COL25A1: variants seen among roughly 807,000 people sequenced by gnomAD.
COL25A1 encodes the protein collagen type XXV alpha 1 chain.
In COL25A1, 103 loss-of-function variants were observed where a neutral mutation model predicts 128.4. That is an observed-to-expected ratio of 0.80 (90% CI 0.68 to 0.94). The LOEUF (loss-of-function observed/expected upper bound fraction) is 0.94, where lower values mean the gene tolerates loss of function less well. Among genes scored for constraint, COL25A1 ranks in the 40% least tolerant of loss-of-function variants. The pLI, the probability that COL25A1 is intolerant of heterozygous loss-of-function variation, is 0.00. For synonymous variants in COL25A1, 279 were observed against 277.2 expected (o/e 1.01, Z -0.06); for missense variants, 745 against 840.0 (o/e 0.89, Z 1.40).
At chr4:109,022,823 G>A (rs1336641474) in intron 5 of COL25A1, among the ~76,000 whole-genome samples, 1 of 152,162 alleles carries the variant, frequency 6.6e-6, no homozygotes, top group Admixed American at 6.5e-5. Flanking sequence ...AGGGTCTACG[G>A]CATTCAAAGG....
intron 8 of COL25A1, among the ~76,000 whole-genome samples, chr4:108,949,764 T>G (rs1377356003): frequency 1.3e-5 from 2 of 152,154 alleles, no homozygotes; most frequent in Non-Finnish European, 2.9e-5. Context: ...CTCGTTCTCT[T>G]GACCTCATCA....
rs1400821345 is a variant in COL25A1 at position 108,827,448 on chromosome 4, A to T, written c.1711-260T>A. On this transcript the variant is annotated intron_variant, in intron 32 of 37. Transcript: ENST00000399132. ...AAAGCATTTGCATATCTCAGATGTC[A>T]TACTTAGGTTTCTTTGGCATTAGTG... 3.9e-5 allele frequency among the ~76,000 whole-genome samples: 6 copies of T among 152,250 alleles called. No homozygotes were observed. The East Asian group carries it at 1.2e-3, about 29-fold the overall frequency.
At chr4:109,284,364 G>A (rs1723663746) in intron 3 of COL25A1, among the ~76,000 whole-genome samples, 1 of 152,210 alleles carries the variant, frequency 6.6e-6, no homozygotes. Context: ...GGTAGAGGTT[G>A]CAGTGAGCCA....
At chr4:109,037,866 G>A (rs932522762) in intron 5 of COL25A1, among the ~76,000 whole-genome samples, 1 of 152,110 alleles carries the variant, frequency 6.6e-6, no homozygotes, top group African/African-American at 2.4e-5. Flanking sequence ...TCAATTAAAT[G>A]TATTATATTA....
intron 3 of COL25A1, among the ~76,000 whole-genome samples, chr4:109,142,025 T>A (rs1770452880): frequency 6.6e-6 from 1 of 152,210 alleles, no homozygotes; most frequent in South Asian, 2.1e-4. Context: ...TGTCAGGGTG[T>A]CGATTTTAGA....
chr4:109,218,356 G>GT (rs796441649), intron 3 of COL25A1, among the ~76,000 whole-genome samples: 12 of 100,466 alleles, frequency 1.2e-4, no homozygotes, highest in African/African-American at 4.1e-4. Context: ...GGTTTTTTGG[G>GT]GTTTTTTTTT....
chr4:109,152,104 A>T (rs990119909), intron 3 of COL25A1, among the ~76,000 whole-genome samples: 3 of 152,132 alleles, frequency 2.0e-5, no homozygotes, highest in African/African-American at 7.2e-5. Context: ...ATAAAAAAAA[A>T]AAAAGTGGCA....
At chr4:108,834,848 T>C (rs898601898) in intron 31 of COL25A1, among the ~76,000 whole-genome samples, 6 of 152,236 alleles carry the variant, frequency 3.9e-5, no homozygotes, top group Non-Finnish European at 7.3e-5. Context: ...GAAAGAGCTC[T>C]GGTTATACTT....
At chr4:109,029,037 T>C (rs1228219549) in intron 5 of COL25A1, among the ~76,000 whole-genome samples, 3 of 152,024 alleles carry the variant, frequency 2.0e-5, no homozygotes, top group Non-Finnish European at 4.4e-5. Context: ...ATTTGATGAG[T>C]GTGGGCAACT....
intron 12 of COL25A1, 126 bp downstream of exon 12, chr4:108,920,452 C>G: frequency 1.8e-6 from 1 of 561,800 alleles, no homozygotes; most frequent in Non-Finnish European, 3.0e-6. Flanking sequence ...TTTTAGAAAG[C>G]AGAATACACA....
intron 3 of COL25A1, among the ~76,000 whole-genome samples, chr4:109,265,163 G>T (rs1159865431): frequency 6.6e-6 from 1 of 152,154 alleles, no homozygotes; most frequent in Non-Finnish European, 1.5e-5. Flanking sequence ...TGATCATCCA[G>T]TATTTAATTA....
At chr4:109,253,693 C>CTAGGTGTTT (rs1242610571) in intron 3 of COL25A1, among the ~76,000 whole-genome samples, 1 of 152,120 alleles carries the variant, frequency 6.6e-6, no homozygotes, top group Non-Finnish European at 1.5e-5. Context: ...CTCAAAAAAT[C>CTAGGTGTTT]TAGGTGTTTT....
chr4:108,960,666 T>G (rs995938593), intron 8 of COL25A1, among the ~76,000 whole-genome samples: 2 of 152,202 alleles, frequency 1.3e-5, no homozygotes, highest in African/African-American at 4.8e-5. Context: ...GCTGGCATTC[T>G]AGAACCATCT....
At position 109,289,299 on chromosome 4, in the gene COL25A1, A is replaced by C. The variant is rs111425730; in HGVS notation, c.367+11284T>G. Among the ~76,000 whole-genome samples the C allele has an allele frequency of 4.6e-3, 706 of 152,202 alleles. 3 individuals are homozygous for C. The highest frequency in any genetic ancestry group is 0.034 in the Middle Eastern group (10 of 294). The stretch of plus-strand genomic sequence containing the variant: ...TGTACATCTATTTCAATATTCCTGA[A>C]CTAAAAATATGTATGTTTTTAAACT... On this transcript the variant is annotated intron_variant, in intron 3 of 37. Transcript: ENST00000399132.
At chr4:109,088,443 T>C (rs1015456940) in intron 3 of COL25A1, among the ~76,000 whole-genome samples, 2 of 152,222 alleles carry the variant, frequency 1.3e-5, no homozygotes, top group Non-Finnish European at 2.9e-5. Flanking sequence ...TAGAATTGTA[T>C]AAATTTATGG....
intron 28 of COL25A1, among the ~76,000 whole-genome samples, chr4:108,845,452 A>G (rs1224360955): frequency 6.6e-6 from 1 of 152,232 alleles, no homozygotes; most frequent in Admixed American, 6.5e-5. Flanking sequence ...GGTGATATGT[A>G]GAATAAAATA....
At chr4:108,997,449 C>A (rs1451589588) in intron 6 of COL25A1, among the ~76,000 whole-genome samples, 5 of 152,080 alleles carry the variant, frequency 3.3e-5, no homozygotes, top group Non-Finnish European at 4.4e-5. Flanking sequence ...CTGAATAGAC[C>A]AATAACAGGC....
At chr4:109,067,039 C>T (rs1232915904) in intron 3 of COL25A1, among the ~76,000 whole-genome samples, 1 of 152,138 alleles carries the variant, frequency 6.6e-6, no homozygotes, top group Non-Finnish European at 1.5e-5. Flanking sequence ...CTCATTCTTA[C>T]ACAATATTTG....
At chr4:108,838,251 T>C in intron 31 of COL25A1, 1 of 1,018,436 alleles carries the variant, frequency 9.8e-7, no homozygotes, top group Non-Finnish European at 1.5e-6. Flanking sequence ...AGAGCCAGTC[T>C]CTGAAATAGT....
Sources: allele counts gnomAD v4.1 joint callset (sites outside exome capture counted in the v4.1 genomes callset), GRCh38; gene constraint gnomAD v4.1.1; transcripts MANE v1.5; gene names NCBI Gene and HGNC (gene_info 2026-07-23, HGNC 2026-07-21).